The following GARS1 variants were observed in gnomAD, a reference collection of about 807,000 sequenced individuals.
The protein encoded by GARS1 is glycine--tRNA ligase.
GARS1 carries 46 observed loss-of-function variants against 86.4 expected under a neutral mutation model. The observed-to-expected ratio is 0.53, with a 90% CI of 0.42 to 0.68. The LOEUF (loss-of-function observed/expected upper bound fraction) is 0.68, where lower values mean the gene tolerates loss of function less well. Ranked by LOEUF, GARS1 falls within the 30% of genes least tolerant of loss-of-function variation. The probability of loss-of-function intolerance (pLI) is 0.00; values close to 1 mark genes in which losing one functional copy is unlikely to be tolerated. For missense variants in GARS1, 797 were observed against 915.6 expected, an observed-to-expected ratio of 0.87 and a Z score of 1.67; for synonymous variants, 342 against 329.8, an observed-to-expected ratio of 1.04 and a Z score of -0.40.
Position 30,628,615 on chromosome 7 carries a change from G to A in GARS1, c.1755G>A (p.Met585Ile), listed in dbSNP as rs780441296. Residue 585 changes from methionine (M) to isoleucine (I), a missense_variant, in exon 14 of 17, where the codon ATG becomes ATA. Met to Ile is a conservative substitution (Grantham distance 10). Around this residue, in one of 2 missense-constraint regions of GARS1, gnomAD observed 598 missense variants for 738.7 expected, o/e 0.81. Coordinates refer to ENST00000389266, the MANE Select transcript of GARS1 (RefSeq NM_002047.4). ...IEPSFGLGRI[M>I]YTVFEHTFHV... The stretch of plus-strand genomic sequence containing the variant: ...CTTCCTTCGGCCTGGGTAGGATCAT[G>A]TATACGGTATTTGAACATACATTCC... 5.0e-5 allele frequency: 80 copies of A among 1,612,964 alleles called. No individual in the cohort carries two copies. The highest frequency in any genetic ancestry group is 6.3e-5 in the Non-Finnish European group (74 of 1,179,120).
Position 30,633,723 on chromosome 7 carries a change from C to G in GARS1, c.2095-12C>G, listed in dbSNP as rs772692931. On this transcript the variant is annotated splice_polypyrimidine_tract_variant and intron_variant, in intron 16 of 16. Coordinates refer to ENST00000389266, the MANE Select transcript of GARS1 (RefSeq NM_002047.4). ...GTTGGTTGATACTTGGCTTCTCTTT[C>G]CTTGTCTCTAGATCTCTGAGCTGCC... The G allele has an allele frequency of 1.2e-6, 2 of 1,613,718 alleles. No homozygotes were observed. Among genetic ancestry groups the G allele is most frequent in the East Asian group, 4.5e-5 (2 of 44,870 alleles).
At chr7:30,633,284 G>C (rs1238434282) in intron 16 of GARS1, among the ~76,000 whole-genome samples, 1 of 152,162 alleles carries the variant, frequency 6.6e-6, no homozygotes, top group Non-Finnish European at 1.5e-5. Context: ...GGGTGGAGAG[G>C]CAGAGGGGGC....
At chr7:30,626,840 G>A (rs1783139585) in intron 13 of GARS1, among the ~76,000 whole-genome samples, 1 of 152,144 alleles carries the variant, frequency 6.6e-6, no homozygotes, top group South Asian at 2.1e-4. Context: ...AATTAGCTAG[G>A]CATGGAGACA....
At chr7:30,612,708 A>G (rs1051728755) in intron 8 of GARS1, among the ~76,000 whole-genome samples, 1 of 152,088 alleles carries the variant, frequency 6.6e-6, no homozygotes, top group Non-Finnish European at 1.5e-5. Flanking sequence ...AACCAACTGG[A>G]GTTCTGGAAA....
In GARS1 at chr7:30,632,578, G is replaced by C; in HGVS notation, c.2094+141G>C. On this transcript the variant is annotated intron_variant, in intron 16 of 16. Transcript: ENST00000389266. This position sits in a 1 kb window ranked among gnomAD's most constrained non-coding sequence, Gnocchi z 4.1. ...TAATGAACGGCTTGTATCAGACAGAGCCCAGATTCTCAAGTCCCCCGGTTT... is the reference window on the plus strand; with the variant it reads ...TAATGAACGGCTTGTATCAGACAGACCCCAGATTCTCAAGTCCCCCGGTTT... 2 of 828,060 alleles carry C rather than the reference G, an allele frequency of 2.4e-6. No homozygotes were observed. 51.3% of individuals were successfully genotyped at this position (828,060 alleles called of 1,614,324 possible).
intron 4 of GARS1, 73 bp downstream of exon 4, chr7:30,601,273 T>C (rs1394882744): frequency 7.1e-6 from 9 of 1,264,652 alleles, no homozygotes; most frequent in Non-Finnish European, 9.9e-6. Flanking sequence ...AATATACTTA[T>C]CTAAATAACT....
At chr7:30,612,070 A>G in intron 7 of GARS1, 26 bp from the exon 8 acceptor site, 1 of 1,600,766 alleles carries the variant, frequency 6.2e-7, no homozygotes, top group South Asian at 1.1e-5. Flanking sequence ...TTTCTTTGTA[A>G]CAGACTGACT....
At chr7:30,618,627 C>G (rs1477709913) in intron 10 of GARS1, among the ~76,000 whole-genome samples, 1 of 152,186 alleles carries the variant, frequency 6.6e-6, no homozygotes, top group Non-Finnish European at 1.5e-5. Context: ...GAGTGAGGCC[C>G]TGTCTCAAAC....
intron 1 of GARS1, chr7:30,595,925 T>C: frequency 2.1e-6 from 1 of 471,058 alleles, no homozygotes; most frequent in East Asian, 6.9e-5. Flanking sequence ...ACATTTGATT[T>C]TCCCGAAGGT....
At position 30,628,594 on chromosome 7, in the gene GARS1, C is replaced by T. The variant is rs1252457690; in HGVS notation, c.1734C>T (p.Ser578=). 3.1e-6 allele frequency: 5 copies of T among 1,612,896 alleles called. No individual in the cohort carries two copies. Among genetic ancestry groups the T allele is most frequent in the Non-Finnish European group, 4.2e-6 (5 of 1,179,048 alleles). ...EEVVPNVIEP[S]FGLGRIMYTV... is the part of the protein sequence containing the mutation. The stretch of plus-strand genomic sequence containing the variant: ...TTGTTCCGAATGTAATTGAACCTTC[C>T]TTCGGCCTGGGTAGGATCATGTATA... The change falls in exon 14 of 17, where the codon TCC becomes TCT. Residue 578 remains serine (S), a synonymous_variant. Transcript: ENST00000389266.
chr7:30,598,925 C>G (rs1257591062), intron 2 of GARS1, 28 bp downstream of exon 2: 2 of 1,519,940 alleles, frequency 1.3e-6, no homozygotes, highest in South Asian at 2.2e-5. Flanking sequence ...AAAATAGGAA[C>G]ATAAGTAGGT....
chr7:30,598,955 A>G, intron 2 of GARS1, 58 bp downstream of exon 2: 1 of 1,331,988 alleles, frequency 7.5e-7, no homozygotes, highest in Non-Finnish European at 1.1e-6. Context: ...TTCATCTTTA[A>G]TTTCTTTGGA....
At chr7:30,596,496 A>C (rs1791249569) in intron 1 of GARS1, among the ~76,000 whole-genome samples, 1 of 151,948 alleles carries the variant, frequency 6.6e-6, no homozygotes, top group Non-Finnish European at 1.5e-5. Context: ...GAAAAAAAAA[A>C]ACCACCACAC....
intron 6 of GARS1, among the ~76,000 whole-genome samples, chr7:30,607,492 A>T (rs910212912): frequency 9.9e-5 from 15 of 151,618 alleles, no homozygotes; most frequent in African/African-American, 2.7e-4. Context: ...GTGGGAATTG[A>T]ACAATGAGAA....
At chr7:30,633,254 C>A (rs1051907643) in intron 16 of GARS1, among the ~76,000 whole-genome samples, 11 of 152,192 alleles carry the variant, frequency 7.2e-5, no homozygotes, top group Non-Finnish European at 1.6e-4. Context: ...CCACCCCAGA[C>A]CTACTGCATC....
At chr7:30,619,787 T>C (rs1782965117) in intron 10 of GARS1, among the ~76,000 whole-genome samples, 1 of 147,258 alleles carries the variant, frequency 6.8e-6, no homozygotes, top group South Asian at 2.2e-4. Context: ...TTTTTTTTTT[T>C]TTTTTTTTGA....
chr7:30,609,805 A>G, intron 7 of GARS1, 75 bp downstream of exon 7: 1 of 1,458,044 alleles, frequency 6.9e-7, no homozygotes, highest in African/African-American at 1.4e-5. Context: ...GTAAATATCA[A>G]TGTTATGAAG....
chr7:30,630,196 CTCTTA>C (rs1170149431), intron 14 of GARS1, among the ~76,000 whole-genome samples: 2 of 152,134 alleles, frequency 1.3e-5, no homozygotes, highest in Non-Finnish European at 2.9e-5. Flanking sequence ...CCCTGTTACT[CTCTTA>C]TATTAAATAG....
intron 2 of GARS1, among the ~76,000 whole-genome samples, chr7:30,599,599 T>C (rs1175749639): frequency 6.6e-6 from 1 of 152,114 alleles, no homozygotes; most frequent in East Asian, 1.9e-4. Context: ...GACAGTGTTT[T>C]GCCATGTTGG....
Sources: gnomAD v4.1 joint callset for allele counts (sites outside exome capture counted in the v4.1 genomes callset) on GRCh38, gnomAD v4.1.1 for gene constraint, gnomAD v4.1.1 regional missense constraint, Gnocchi (gnomAD v3.1) non-coding constraint, MANE v1.5 for transcripts, NCBI Gene and HGNC (gene_info 2026-07-23, HGNC 2026-07-21) for gene names.